The following XPO7 variants were observed in gnomAD, a reference collection of about 807,000 sequenced individuals.
XPO7 encodes the protein exportin 7.
A neutral mutation model predicts 144.3 loss-of-function variants in XPO7; 21 were observed. The ratio of observed to expected loss-of-function variants is 0.15; its 90% CI spans 0.10 to 0.21. The LOEUF (loss-of-function observed/expected upper bound fraction) is 0.21, where lower values mean the gene tolerates loss of function less well. Among genes scored for constraint, XPO7 ranks in the 10% least tolerant of loss-of-function variants. The pLI, the probability that XPO7 is intolerant of heterozygous loss-of-function variation, is 1.00. For synonymous variants in XPO7, 580 were observed against 499.6 expected (o/e 1.16, Z -2.15); for missense variants, 808 against 1,325.8 (o/e 0.61, Z 6.06).
At chr8:21,973,066 C>G (rs1223785534) in intron 5 of XPO7, among the ~76,000 whole-genome samples, 1 of 152,202 alleles carries the variant, frequency 6.6e-6, no homozygotes, top group Non-Finnish European at 1.5e-5. Context: ...TTTTCTGGAT[C>G]AGGAAACTGA....
intron 1 of XPO7, among the ~76,000 whole-genome samples, chr8:21,925,575 G>A (rs938592029): frequency 1.3e-5 from 2 of 152,164 alleles, no homozygotes; most frequent in Non-Finnish European, 2.9e-5. Context: ...AGTGTGACTT[G>A]GTTGGTCATA....
At chr8:21,940,960 G>A (rs900731581) in intron 1 of XPO7, among the ~76,000 whole-genome samples, 2 of 152,000 alleles carry the variant, frequency 1.3e-5, no homozygotes, top group African/African-American at 2.4e-5. Flanking sequence ...CCTAAACCTA[G>A]GGAACTCTAG....
At chr8:21,967,188 G>C (rs1244717910) in intron 2 of XPO7, among the ~76,000 whole-genome samples, 185 bp downstream of exon 2, 1 of 152,172 alleles carries the variant, frequency 6.6e-6, no homozygotes, top group Non-Finnish European at 1.5e-5. Flanking sequence ...GTCTCATCAA[G>C]AAAATCTCTT....
At chr8:21,994,233 G>A (rs1209245621) in intron 19 of XPO7, 130 bp from the exon 20 acceptor site, 8 of 581,550 alleles carry the variant, frequency 1.4e-5, no homozygotes, top group South Asian at 8.0e-5. Context: ...TATTGAATCC[G>A]AATATTTGAG....
intron 13 of XPO7, among the ~76,000 whole-genome samples, chr8:21,986,079 T>C (rs1186181134): frequency 6.6e-6 from 1 of 151,968 alleles, no homozygotes; most frequent in African/African-American, 2.4e-5. Context: ...CTTTCAAATC[T>C]CTTGGCCATA....
chr8:21,951,595 GC>G (rs1811376399), intron 1 of XPO7, among the ~76,000 whole-genome samples: 5 of 152,104 alleles, frequency 3.3e-5, no homozygotes, highest in Admixed American at 3.3e-4. Flanking sequence ...ACCAGTTAAA[GC>G]CCTTTTCTGA....
At chr8:21,990,996 A>G in intron 18 of XPO7, 77 bp downstream of exon 18, 2 of 1,343,888 alleles carry the variant, frequency 1.5e-6, no homozygotes, top group South Asian at 2.4e-5. Flanking sequence ...TGAAAACTAG[A>G]TGTTGGGGAG....
chr8:21,924,234 T>C (rs542206495), intron 1 of XPO7, among the ~76,000 whole-genome samples: 4 of 152,368 alleles, frequency 2.6e-5, no homozygotes, highest in South Asian at 2.1e-4. Flanking sequence ...TGTAATGATA[T>C]ATGCTGTGTA....
intron 1 of XPO7, among the ~76,000 whole-genome samples, chr8:21,934,584 G>C (rs1465015445): frequency 6.6e-6 from 1 of 152,060 alleles, no homozygotes; most frequent in African/African-American, 2.4e-5. Flanking sequence ...TTTTATTTTG[G>C]GGTGACAGTA....
At chr8:21,990,185 G>A (rs898329490) in intron 16 of XPO7, among the ~76,000 whole-genome samples, 159 bp from the exon 17 acceptor site, 11 of 152,058 alleles carry the variant, frequency 7.2e-5, no homozygotes, top group Admixed American at 2.6e-4. Flanking sequence ...ATAGTGCTTA[G>A]AAGAGAATGC....
intron 5 of XPO7, among the ~76,000 whole-genome samples, chr8:21,973,402 CAG>C (rs1264863809): frequency 1.3e-5 from 2 of 152,162 alleles, no homozygotes; most frequent in African/African-American, 4.8e-5. Context: ...ATCAATATAA[CAG>C]ATTGTATGAT....
intron 24 of XPO7, 95 bp downstream of exon 24, chr8:21,999,769 TCAC>T: frequency 6.7e-7 from 1 of 1,499,444 alleles, no homozygotes; most frequent in Non-Finnish European, 9.1e-7. Flanking sequence ...TCCAAAAAGA[TCAC>T]CACTGCCTTG....
Position 21,985,679 on chromosome 8 carries a change from A to C in XPO7, c.1565A>C (p.Glu522Ala). Reference sequence around the variant, plus strand: ...GATGAGCAAGACGCCATGGATGGTGAGCTTGTCTGTCGGTAAGTGCTCCCC... The same window carrying C: ...GATGAGCAAGACGCCATGGATGGTGCGCTTGTCTGTCGGTAAGTGCTCCCC... ...STDEQDAMDG[E>A]LVCRVLQLMN... Residue 522 changes from glutamate (E) to alanine (A), a missense_variant, in exon 13 of 28, where the codon GAG becomes GCG. Transcript: ENST00000252512. 1 of 1,613,404 alleles carries C rather than the reference A, an allele frequency of 6.2e-7. No homozygotes were observed. Among genetic ancestry groups the C allele is most frequent in the Non-Finnish European group, 8.5e-7 (1 of 1,179,862 alleles).
chr8:21,957,175 G>A (rs1382881161), intron 1 of XPO7, among the ~76,000 whole-genome samples: 1 of 151,214 alleles, frequency 6.6e-6, no homozygotes, highest in African/African-American at 2.4e-5. Context: ...GGATCCTAGT[G>A]AGGGAAGACT....
intron 23 of XPO7, 55 bp from the exon 24 acceptor site, chr8:21,999,481 G>A (rs1769213063): frequency 4.4e-6 from 7 of 1,605,544 alleles, no homozygotes; most frequent in Non-Finnish European, 6.0e-6. Context: ...TCGTCTCCCT[G>A]CATGCTGGAG....
chr8:21,999,841 C>T (rs1345890268), intron 24 of XPO7, among the ~76,000 whole-genome samples, 167 bp downstream of exon 24: 2 of 152,210 alleles, frequency 1.3e-5, no homozygotes, highest in Admixed American at 6.5e-5. Flanking sequence ...CCAGCACACA[C>T]TCACTGATTC....
rs149594796 is a variant in XPO7, at chr8:21,970,920, C to G, written c.426+610C>G. On this transcript the variant is annotated intron_variant, in intron 4 of 27. Coordinates refer to ENST00000252512, the MANE Select transcript of XPO7 (RefSeq NM_015024.5). ...TATTTATAAAGTCTGTAGTGGTGTA[C>G]AGCAATGTCCTCGGCTTTCACATCC... Among the ~76,000 whole-genome samples, 726 of 152,240 alleles carry G rather than the reference C, an allele frequency of 4.8e-3. 6 individuals are homozygous for G. Among genetic ancestry groups the G allele is most frequent in the Non-Finnish European group, 5.5e-3 (371 of 68,014 alleles).
Position 21,925,975 on chromosome 8 carries a change from T to C in XPO7, c.18+6187T>C, listed in dbSNP as rs555792164. ...ACTTCTCACAAATTGAGCTCTCTTA[T>C]GCCCCAAACAGTAACGAAAGAGGTC... On this transcript the variant is annotated intron_variant, in intron 1 of 27. Transcript: ENST00000252512. 3.3e-5 allele frequency among the ~76,000 whole-genome samples: 5 copies of C among 152,306 alleles called. No individual in the cohort carries two copies. In the South Asian group the frequency reaches 6.2e-4, roughly 19 times the overall value.
chr8:21,970,064 C>T (rs1812002182), intron 3 of XPO7, 80 bp from the exon 4 acceptor site: 2 of 1,455,158 alleles, frequency 1.4e-6, no homozygotes, highest in African/African-American at 2.9e-5. Flanking sequence ...GGCCATTTAG[C>T]ATGTCTAAAG....
Sources: allele counts gnomAD v4.1 joint callset (sites outside exome capture counted in the v4.1 genomes callset), GRCh38; gene constraint gnomAD v4.1.1; transcripts MANE v1.5; gene names NCBI Gene and HGNC (gene_info 2026-07-23, HGNC 2026-07-21).